ROBO1: variants seen among roughly 807,000 people sequenced by gnomAD.
The protein encoded by ROBO1 is roundabout homolog 1.
A neutral mutation model predicts 195.9 loss-of-function variants in ROBO1; 149 were observed. That is an observed-to-expected ratio of 0.76 (90% confidence interval 0.67 to 0.87). The LOEUF (loss-of-function observed/expected upper bound fraction) is 0.87, where lower values mean the gene tolerates loss of function less well. Among genes scored for constraint, ROBO1 ranks in the 40% least tolerant of loss-of-function variants. The pLI is 0.00. For synonymous variants in ROBO1, 816 were observed against 733.2 expected, an observed-to-expected ratio of 1.11 and a Z score of -1.82; for missense variants, 1,933 against 2,068.3, an observed-to-expected ratio of 0.93 and a Z score of 1.27.
At chr3:79,537,965 CA>C (rs1350785922) in intron 2 of ROBO1, among the ~76,000 whole-genome samples, 2 of 151,934 alleles carry the variant, frequency 1.3e-5, no homozygotes, top group African/African-American at 4.8e-5. Flanking sequence ...AAAATAATTG[CA>C]AAAATGTTTT....
intron 1 of ROBO1, among the ~76,000 whole-genome samples, chr3:79,735,887 CAA>C (rs5850448): frequency 7.0e-6 from 1 of 143,726 alleles, no homozygotes; most frequent in Non-Finnish European, 1.5e-5. Context: ...AAAAAAAAAA[CAA>C]AAAAAAAACA....
At chr3:78,866,960 A>G (rs184258933) in intron 4 of ROBO1, among the ~76,000 whole-genome samples, 1 of 152,338 alleles carries the variant, frequency 6.6e-6, no homozygotes, top group Admixed American at 6.5e-5. Flanking sequence ...TTTGTGCTTC[A>G]GTTACCACTA....
At chr3:78,927,542 G>A (rs1035721843) in intron 4 of ROBO1, among the ~76,000 whole-genome samples, 7 of 152,248 alleles carry the variant, frequency 4.6e-5, no homozygotes, top group African/African-American at 1.7e-4. Flanking sequence ...AGAGACTGAA[G>A]TCTTACAGAA....
At chr3:78,898,281 C>A (rs2037361215) in intron 4 of ROBO1, among the ~76,000 whole-genome samples, 1 of 148,716 alleles carries the variant, frequency 6.7e-6, no homozygotes, top group Non-Finnish European at 1.5e-5. Context: ...ATTTTTTATG[C>A]TCTCAAAATA....
intron 3 of ROBO1, among the ~76,000 whole-genome samples, chr3:79,021,488 C>T (rs996432220): frequency 2.0e-5 from 3 of 152,056 alleles, no homozygotes; most frequent in Non-Finnish European, 2.9e-5. Flanking sequence ...ATCCCTATTG[C>T]ATTGTTCCCC....
chr3:78,733,979 T>C (rs1376108333), intron 5 of ROBO1, among the ~76,000 whole-genome samples: 1 of 152,228 alleles, frequency 6.6e-6, no homozygotes, highest in African/African-American at 2.4e-5. Flanking sequence ...ACCATGTGTG[T>C]TCATTTTGTA....
At chr3:78,911,103 G>A (rs2038216417) in intron 4 of ROBO1, among the ~76,000 whole-genome samples, 1 of 152,014 alleles carries the variant, frequency 6.6e-6, no homozygotes, top group African/African-American at 2.4e-5. Flanking sequence ...CATTGAGTTT[G>A]TCACAGCACT....
At chr3:78,773,455 C>G (rs2083427306) in intron 4 of ROBO1, among the ~76,000 whole-genome samples, 1 of 152,036 alleles carries the variant, frequency 6.6e-6, no homozygotes, top group African/African-American at 2.4e-5. Context: ...TCATTCTACT[C>G]ATTTGTATTT....
intron 1 of ROBO1, among the ~76,000 whole-genome samples, chr3:79,728,242 G>A (rs553959809): frequency 6.6e-6 from 1 of 151,786 alleles, no homozygotes; most frequent in South Asian, 2.1e-4. Context: ...ATATAAATGA[G>A]CAGAAATTCC....
intron 1 of ROBO1, among the ~76,000 whole-genome samples, chr3:79,686,307 G>T (rs1947110736): frequency 6.6e-6 from 1 of 152,102 alleles, no homozygotes; most frequent in South Asian, 2.1e-4. Flanking sequence ...TTGAAAACTG[G>T]CACAAGACAG....
At chr3:79,703,481 C>G (rs972639393) in intron 1 of ROBO1, among the ~76,000 whole-genome samples, 12 of 151,522 alleles carry the variant, frequency 7.9e-5, no homozygotes, top group African/African-American at 2.9e-4. Flanking sequence ...CATTTTGTTC[C>G]AAAGAGTGTT....
chr3:79,246,335 G>T (rs1162588449), intron 2 of ROBO1, among the ~76,000 whole-genome samples: 1 of 152,092 alleles, frequency 6.6e-6, no homozygotes, highest in Non-Finnish European at 1.5e-5. Context: ...CTTAGATGTT[G>T]TGGCTGATTA....
At position 78,607,225 on chromosome 3, in the gene ROBO1, T is replaced by C; in HGVS notation, c.4436-184A>G. On this transcript the variant is annotated intron_variant, in intron 28 of 30. Transcript: ENST00000464233. ...TAAAATTTATGTTTATTTATTTATT[T>C]ATTCTGAGACAGGGTCTTACTCTGT... The C allele has an allele frequency of 6.5e-6, 4 of 612,666 alleles. No homozygotes were observed. The South Asian group carries it at 8.8e-5, about 13-fold the overall frequency. 38.0% of individuals were successfully genotyped at this position (612,666 alleles called of 1,614,324 possible).
In ROBO1 at chr3:79,536,690, T is replaced by C. The variant is rs767939438; in HGVS notation, c.88+53134A>G. 5.3e-5 allele frequency among the ~76,000 whole-genome samples: 8 copies of C among 152,322 alleles called. No individual in the cohort carries two copies. In the East Asian group the frequency reaches 1.3e-3, roughly 26 times the overall value. ...ATATCAATAATCAACAAATTTGATA[T>C]AATTTTTTTCTCAGTTGCTGCAAAT... On this transcript the variant is annotated intron_variant, in intron 2 of 30. Coordinates refer to ENST00000464233, the MANE Select transcript of ROBO1 (RefSeq NM_002941.4).
chr3:79,348,821 C>A (rs1205433857), intron 2 of ROBO1, among the ~76,000 whole-genome samples: 1 of 152,054 alleles, frequency 6.6e-6, no homozygotes, highest in Non-Finnish European at 1.5e-5. Flanking sequence ...CTTCCTATTT[C>A]AAAAGGGACA....
At chr3:79,658,234 T>A (rs974164458) in intron 1 of ROBO1, among the ~76,000 whole-genome samples, 1 of 152,114 alleles carries the variant, frequency 6.6e-6, no homozygotes, top group South Asian at 2.1e-4. Flanking sequence ...CACCCGTATG[T>A]CAGTGGTGGA....
At chr3:79,738,801 C>G (rs1703499649) in intron 1 of ROBO1, among the ~76,000 whole-genome samples, 1 of 152,076 alleles carries the variant, frequency 6.6e-6, no homozygotes, top group East Asian at 1.9e-4. Context: ...TGTAAGCAAT[C>G]CCCGGCAGAC....
At chr3:79,532,630 A>AT (rs781417101) in intron 2 of ROBO1, among the ~76,000 whole-genome samples, 23 of 99,532 alleles carry the variant, frequency 2.3e-4, no homozygotes, top group South Asian at 8.6e-4. Flanking sequence ...CTCACATATT[A>AT]TTAAAAAAAT....
intron 2 of ROBO1, among the ~76,000 whole-genome samples, chr3:79,490,243 C>A (rs1939381977): frequency 6.6e-6 from 1 of 152,144 alleles, no homozygotes. Flanking sequence ...CTCTTCAAGG[C>A]ACCCGTTGCC....
Sources: gnomAD v4.1 joint callset for allele counts (sites outside exome capture counted in the v4.1 genomes callset) on GRCh38, gnomAD v4.1.1 for gene constraint, MANE v1.5 for transcripts, NCBI Gene and HGNC (gene_info 2026-07-23, HGNC 2026-07-21) for gene names.